Variants in SDCCAG8 observed in about 807,000 individuals in gnomAD.
SDCCAG8 encodes the protein SHH signaling and ciliogenesis regulator SDCCAG8, also known as serologically defined colon cancer antigen 8.
Under a neutral mutation model 101.8 loss-of-function variants are expected in SDCCAG8, and 74 were observed. The observed-to-expected ratio is 0.73, with a 90% CI of 0.60 to 0.88. The LOEUF (loss-of-function observed/expected upper bound fraction) is 0.88, where lower values mean the gene tolerates loss of function less well. Among genes scored for constraint, SDCCAG8 ranks in the 40% least tolerant of loss-of-function variants. The pLI is 0.00. For missense variants in SDCCAG8, 787 were observed against 822.6 expected, an observed-to-expected ratio of 0.96 and a Z score of 0.53; for synonymous variants, 281 against 292.9, an observed-to-expected ratio of 0.96 and a Z score of 0.41.
At chr1:243,466,818 A>C (rs903515347) in intron 16 of SDCCAG8, among the ~76,000 whole-genome samples, 2 of 152,238 alleles carry the variant, frequency 1.3e-5, no homozygotes, top group African/African-American at 4.8e-5. Flanking sequence ...TACTGTTACC[A>C]AAGTTAGAAT....
At chr1:243,348,067 C>T (rs1238796606) in intron 12 of SDCCAG8, among the ~76,000 whole-genome samples, 1 of 143,252 alleles carries the variant, frequency 7.0e-6, no homozygotes, top group Non-Finnish European at 1.5e-5. Flanking sequence ...ACGGAGTCTC[C>T]CTCTGTCGCC....
At chr1:243,494,973 C>T (rs1667421612) in intron 17 of SDCCAG8, among the ~76,000 whole-genome samples, 1 of 152,248 alleles carries the variant, frequency 6.6e-6, no homozygotes, top group African/African-American at 2.4e-5. Flanking sequence ...AGGCTCCACT[C>T]TCTGCTGTTG....
intron 6 of SDCCAG8, among the ~76,000 whole-genome samples, chr1:243,293,797 C>T (rs1178636377): frequency 6.6e-6 from 1 of 151,994 alleles, no homozygotes. Context: ...AAGTATATAC[C>T]CAGAAATAGA....
intron 5 of SDCCAG8, among the ~76,000 whole-genome samples, chr1:243,292,457 G>T (rs559867873): frequency 2.2e-4 from 34 of 152,222 alleles, no homozygotes; most frequent in African/African-American, 7.9e-4. Flanking sequence ...GAAATTACAG[G>T]GTTTTAGGAA....
At chr1:243,293,588 A>G (rs1411601481) in intron 6 of SDCCAG8, 3 of 410,544 alleles carry the variant, frequency 7.3e-6, no homozygotes, top group Non-Finnish European at 1.4e-5. Flanking sequence ...TTAGCATAAT[A>G]TTTTCAAGGT....
intron 13 of SDCCAG8, among the ~76,000 whole-genome samples, chr1:243,407,475 T>C (rs2079867571): frequency 6.6e-6 from 1 of 152,194 alleles, no homozygotes; most frequent in South Asian, 2.1e-4. Flanking sequence ...GATGCGCTAG[T>C]AACTGGAGTT....
chr1:243,433,622 T>C (rs1558462441), intron 16 of SDCCAG8, among the ~76,000 whole-genome samples: 1 of 152,188 alleles, frequency 6.6e-6, no homozygotes, highest in Non-Finnish European at 1.5e-5. Context: ...TTAAGTCTCC[T>C]GTTCTCTCTG....
At chr1:243,347,668 G>C (rs1287632500) in intron 12 of SDCCAG8, among the ~76,000 whole-genome samples, 1 of 152,204 alleles carries the variant, frequency 6.6e-6, no homozygotes, top group African/African-American at 2.4e-5. Flanking sequence ...CCCAAAAGGA[G>C]CTTCCTCGCA....
chr1:243,370,425 T>C (rs1235664432), intron 12 of SDCCAG8, among the ~76,000 whole-genome samples: 1 of 152,104 alleles, frequency 6.6e-6, no homozygotes, highest in Non-Finnish European at 1.5e-5. Context: ...TTAGCAAACA[T>C]AAAGTCTTTA....
At chr1:243,396,608 A>G (rs1277647264) in intron 13 of SDCCAG8, among the ~76,000 whole-genome samples, 1 of 152,232 alleles carries the variant, frequency 6.6e-6, no homozygotes, top group Non-Finnish European at 1.5e-5. Context: ...AATGCTATAT[A>G]GTATGATGCA....
At chr1:243,316,650 C>T in intron 8 of SDCCAG8, 105 bp from the exon 9 acceptor site, 1 of 1,387,228 alleles carries the variant, frequency 7.2e-7, no homozygotes, top group Non-Finnish European at 1.0e-6. Flanking sequence ...CTCAGCCGGC[C>T]TACCCTGGCT....
At chr1:243,270,027 A>T in intron 1 of SDCCAG8, 78 bp from the exon 2 acceptor site, 1 of 1,602,706 alleles carries the variant, frequency 6.2e-7, no homozygotes, top group South Asian at 1.1e-5. Context: ...TCACCTTTAA[A>T]AACTGCCTTC....
chr1:243,257,862 A>G (rs879655579), intron 1 of SDCCAG8, among the ~76,000 whole-genome samples: 2 of 152,214 alleles, frequency 1.3e-5, no homozygotes, highest in Non-Finnish European at 2.9e-5. Context: ...AATTTTTAAG[A>G]TTGGCAAAAA....
At chr1:243,307,061 G>GTTT (rs576037723) in intron 7 of SDCCAG8, among the ~76,000 whole-genome samples, 1 of 135,492 alleles carries the variant, frequency 7.4e-6, no homozygotes. Flanking sequence ...GTTTTTTTTT[G>GTTT]TTTTTTTTTT....
At position 243,426,549 on chromosome 1, in the gene SDCCAG8, T is replaced by C. The variant is rs375244541; in HGVS notation, c.1976T>C (p.Met659Thr). 6.2e-7 allele frequency: 1 copy of C among 1,614,036 alleles called. No individual in the cohort carries two copies. Among genetic ancestry groups the C allele is most frequent in the Non-Finnish European group, 8.5e-7 (1 of 1,179,922 alleles). Reference protein sequence around the residue: ...CVQHGRVHETMKQRLRQLDKH... With the variant: ...CVQHGRVHETTKQRLRQLDKH... Reference sequence around the variant, plus strand: ...CAGCATGGGAGAGTACATGAGACGATGAAGCAAAGGTAATCAAGGTTTCAT... The same window carrying C: ...CAGCATGGGAGAGTACATGAGACGACGAAGCAAAGGTAATCAAGGTTTCAT... The change falls in exon 16 of 18, where the codon ATG (methionine) becomes ACG (threonine). Residue 659 changes from methionine (M) to threonine (T), a missense_variant. Physicochemically the swap from Met to Thr is moderately conservative, Grantham distance 81. Coordinates refer to ENST00000366541, the MANE Select transcript of SDCCAG8 (RefSeq NM_006642.5).
chr1:243,489,225 T>C (rs941070947), intron 17 of SDCCAG8, 85 bp downstream of exon 17: 1 of 1,524,636 alleles, frequency 6.6e-7, no homozygotes. Context: ...AGGCCGGCTT[T>C]CTCACGGATC....
At chr1:243,456,020 G>A (rs1010797163) in intron 16 of SDCCAG8, among the ~76,000 whole-genome samples, 2 of 152,214 alleles carry the variant, frequency 1.3e-5, no homozygotes, top group Admixed American at 6.5e-5. Flanking sequence ...GACTGTTGGC[G>A]TGGGCTGATC....
In SDCCAG8 at chr1:243,317,697, T is replaced by C. The variant is rs1191012291; in HGVS notation, c.1068+804T>C. ...AATGAGAATAACAGTTTATACTTAGTGATCGGACGGTGTTATAGGCACTTT... is the reference window on the plus strand; with the variant it reads ...AATGAGAATAACAGTTTATACTTAGCGATCGGACGGTGTTATAGGCACTTT... On this transcript the variant is annotated intron_variant, in intron 9 of 17. Coordinates refer to ENST00000366541, the MANE Select transcript of SDCCAG8 (RefSeq NM_006642.5). 2.0e-5 allele frequency among the ~76,000 whole-genome samples: 3 copies of C among 152,188 alleles called. No individual in the cohort carries two copies. In the East Asian group the frequency reaches 5.8e-4, roughly 29 times the overall value.
intron 12 of SDCCAG8, among the ~76,000 whole-genome samples, chr1:243,348,497 T>TC (rs2075877925): frequency 1.3e-5 from 2 of 151,624 alleles, no homozygotes; most frequent in South Asian, 4.2e-4. Context: ...CATACGCACC[T>TC]CCCCCAGTGC....
Sources: gnomAD v4.1 joint callset for allele counts (sites outside exome capture counted in the v4.1 genomes callset) on GRCh38, gnomAD v4.1.1 for gene constraint, MANE v1.5 for transcripts, NCBI Gene and HGNC (gene_info 2026-07-23, HGNC 2026-07-21) for gene names.